Variants in ATG7 observed in about 807,000 individuals in gnomAD.
ATG7 encodes ubiquitin-like modifier-activating enzyme ATG7.
Under a neutral mutation model 82.4 loss-of-function variants are expected in ATG7, and 70 were observed. The ratio of observed to expected loss-of-function variants is 0.85; its 90% CI spans 0.70 to 1.04. ATG7 has a LOEUF of 1.04. Ranked by LOEUF, ATG7 falls within the 50% of genes least tolerant of loss-of-function variation. ATG7 has a pLI of 0.00. For synonymous variants in ATG7, 287 were observed against 313.0 expected (o/e 0.92, Z 0.88); for missense variants, 792 against 864.3 (o/e 0.92, Z 1.05).
intron 16 of ATG7, among the ~76,000 whole-genome samples, chr3:11,361,649 T>C (rs917094544): frequency 8.5e-5 from 13 of 152,218 alleles, no homozygotes; most frequent in Non-Finnish European, 1.9e-4. Context: ...TAAAAATTTA[T>C]TTATCTGAAA....
chr3:11,575,265 C>T, the ATG7 span, among the ~76,000 whole-genome samples: 12 of 152,208 alleles, frequency 7.9e-5, no homozygotes, highest in Non-Finnish European at 1.3e-4. Context: ...AGCAAACGGG[C>T]GTCCATTCTG....
At chr3:11,517,497 G>A (rs997771620) in intron 20 of ATG7, among the ~76,000 whole-genome samples, 2 of 152,150 alleles carry the variant, frequency 1.3e-5, no homozygotes, top group African/African-American at 2.4e-5. Context: ...CTGTCCTTAC[G>A]GATCTCTGGT....
intron 3 of ATG7, among the ~76,000 whole-genome samples, chr3:11,284,918 C>T (rs1256207079): frequency 6.7e-6 from 1 of 149,636 alleles, no homozygotes; most frequent in Non-Finnish European, 1.5e-5. Context: ...GCAATCTTGG[C>T]TCACTGCAAG....
intron 19 of ATG7, among the ~76,000 whole-genome samples, chr3:11,404,667 T>C (rs1461525713): frequency 6.6e-6 from 1 of 151,992 alleles, no homozygotes; most frequent in Non-Finnish European, 1.5e-5. Context: ...GACTGGGTAA[T>C]TTATAAGGGA....
At chr3:11,504,875 T>C (rs990561009) in intron 20 of ATG7, among the ~76,000 whole-genome samples, 1 of 151,732 alleles carries the variant, frequency 6.6e-6, no homozygotes, top group African/African-American at 2.4e-5. Context: ...TATAATTATG[T>C]TGAAATGGTG....
At chr3:11,484,450 A>G (rs1166177910) in intron 20 of ATG7, among the ~76,000 whole-genome samples, 1 of 152,248 alleles carries the variant, frequency 6.6e-6, no homozygotes, top group Non-Finnish European at 1.5e-5. Flanking sequence ...AAAAGGGTTA[A>G]GTCTTCAAAG....
the ATG7 span, among the ~76,000 whole-genome samples, chr3:11,575,098 A>T: frequency 6.6e-6 from 1 of 152,020 alleles, no homozygotes; most frequent in Non-Finnish European, 1.5e-5. Flanking sequence ...GGAAAAGTGG[A>T]TTGAGAGGTG....
chr3:11,571,476 G>A, the ATG7 span, among the ~76,000 whole-genome samples: 1 of 152,044 alleles, frequency 6.6e-6, no homozygotes, highest in East Asian at 1.9e-4. Context: ...TTAGGCCCAG[G>A]AGTTCGAGAC....
intron 10 of ATG7, among the ~76,000 whole-genome samples, chr3:11,332,321 A>G (rs192051704): frequency 4.7e-4 from 72 of 152,320 alleles, no homozygotes; most frequent in African/African-American, 1.7e-3. Context: ...GTAAAGTTAA[A>G]ATAGGCAAAA....
intron 9 of ATG7, among the ~76,000 whole-genome samples, chr3:11,328,768 A>T (rs992966297): frequency 6.6e-6 from 1 of 152,248 alleles, no homozygotes; most frequent in African/African-American, 2.4e-5. Flanking sequence ...CATAGAAGAC[A>T]GTTCACAATA....
chr3:11,434,352 C>G (rs1006507644), intron 20 of ATG7, among the ~76,000 whole-genome samples: 4 of 152,214 alleles, frequency 2.6e-5, no homozygotes, highest in Admixed American at 2.0e-4. Context: ...AGAAATCGCT[C>G]TGGGGACTGA....
intron 19 of ATG7, among the ~76,000 whole-genome samples, chr3:11,424,024 C>G (rs972846611): frequency 6.6e-6 from 1 of 152,190 alleles, no homozygotes; most frequent in African/African-American, 2.4e-5. Context: ...TTCTCAAGCC[C>G]CATAGTCTAA....
At chr3:11,562,609 C>T (rs1380675249), downstream of ATG7, among the ~76,000 whole-genome samples, 8 of 152,230 alleles carry the variant, frequency 5.3e-5, no homozygotes, top group South Asian at 4.1e-4. Flanking sequence ...CTCAGCAGGG[C>T]GCCCGAGCCC....
chr3:11,462,839 ATTTTTATTTAT>A (rs1300660111), intron 20 of ATG7, among the ~76,000 whole-genome samples: 3 of 138,854 alleles, frequency 2.2e-5, no homozygotes, highest in Non-Finnish European at 4.6e-5. Flanking sequence ...CCTCTCAGAT[ATTTTTATTTAT>A]TTATTTATTT....
intron 20 of ATG7, among the ~76,000 whole-genome samples, chr3:11,450,219 G>C (rs1390163180): frequency 2.0e-5 from 3 of 152,150 alleles, no homozygotes; most frequent in Non-Finnish European, 4.4e-5. Flanking sequence ...CATGGAGCCA[G>C]TAAGTGTTAG....
intron 20 of ATG7, among the ~76,000 whole-genome samples, chr3:11,472,090 CTT>C (rs2087608143): frequency 6.6e-6 from 1 of 152,062 alleles, no homozygotes; most frequent in Non-Finnish European, 1.5e-5. Flanking sequence ...ATATTAGTCT[CTT>C]TTGTTTGGAG....
At chr3:11,398,659 C>T (rs1000650847) in intron 19 of ATG7, among the ~76,000 whole-genome samples, 1 of 152,138 alleles carries the variant, frequency 6.6e-6, no homozygotes, top group South Asian at 2.1e-4. Context: ...TTGAGACCAG[C>T]CTGTGCAACA....
At chr3:11,465,668 G>A (rs560343214) in intron 20 of ATG7, among the ~76,000 whole-genome samples, 58 of 152,128 alleles carry the variant, frequency 3.8e-4, no homozygotes, top group African/African-American at 1.1e-3. Flanking sequence ...GGAGAACTGA[G>A]GGGGAAGGAT....
At chr3:11,291,616 A>G (rs1305009772) in intron 3 of ATG7, among the ~76,000 whole-genome samples, 1 of 152,174 alleles carries the variant, frequency 6.6e-6, no homozygotes. Context: ...CTTGGTACAG[A>G]ATGAGCATTT....
Sources: allele counts gnomAD v4.1 joint callset (sites outside exome capture counted in the v4.1 genomes callset), GRCh38; gene constraint gnomAD v4.1.1; transcripts MANE v1.5; gene names NCBI Gene and HGNC (gene_info 2026-07-23, HGNC 2026-07-21).